MGA: variants seen among roughly 807,000 people sequenced by gnomAD.
MGA encodes MAX gene-associated protein.
Under a neutral mutation model 261.1 loss-of-function variants are expected in MGA, and 40 were observed. That is an observed-to-expected ratio of 0.15 (90% CI 0.12 to 0.20). MGA has a LOEUF of 0.20. Among genes scored for constraint, MGA ranks in the 10% least tolerant of loss-of-function variants. The pLI is 1.00. For synonymous variants in MGA, 1,302 were observed against 1,290.6 expected (o/e 1.01, Z -0.19); for missense variants, 3,397 against 3,630.5 (o/e 0.94, Z 1.65).
At chr15:41,657,670 AAAAAC>A (rs2057234222), upstream of MGA, among the ~76,000 whole-genome samples, 1 of 92,956 alleles carries the variant, frequency 1.1e-5, no homozygotes, top group African/African-American at 3.5e-5. Flanking sequence ...GACTTTTTGT[AAAAAC>A]AAAACAAAAC....
At chr15:41,733,922 C>CT (rs143496306) in intron 11 of MGA, among the ~76,000 whole-genome samples, 2 of 145,240 alleles carry the variant, frequency 1.4e-5, no homozygotes. Flanking sequence ...TTGTTTCTTT[C>CT]TTTTTTTTTT....
intron 1 of MGA, among the ~76,000 whole-genome samples, chr15:41,623,411 A>G (rs930832228): frequency 1.3e-5 from 2 of 152,198 alleles, no homozygotes; most frequent in Admixed American, 6.5e-5. Context: ...TATTGGAACA[A>G]TCAACTGTTT....
At chr15:41,725,512 A>G (rs2061176312) in intron 9 of MGA, among the ~76,000 whole-genome samples, 1 of 152,150 alleles carries the variant, frequency 6.6e-6, no homozygotes, top group East Asian at 1.9e-4. Context: ...TACTTGGGCA[A>G]CAGAGTGAGA....
intron 1 of MGA, among the ~76,000 whole-genome samples, chr15:41,626,539 C>G (rs528571561): frequency 1.3e-5 from 2 of 152,142 alleles, no homozygotes; most frequent in African/African-American, 2.4e-5. Context: ...TCTCCTGCCT[C>G]AGCCTCCTGA....
chr15:41,761,919 A>G, intron 21 of MGA, 69 bp downstream of exon 21: 2 of 1,212,344 alleles, frequency 1.6e-6, no homozygotes, highest in South Asian at 1.5e-5. Flanking sequence ...TCCTCAGTAG[A>G]TCTTTCAGAT....
rs576943311 is a variant in MGA at position 41,716,453 on chromosome 15, C to CA, written c.3430+2965dup. On this transcript the variant is annotated intron_variant, in intron 9 of 23. Transcript: ENST00000219905. ...TGGGCGACAAAGCGAGACTCCGTAT[C>CA]AAAAAAAAGAAAAAGAAAAAGGAGG... Among the ~76,000 whole-genome samples the CA allele has an allele frequency of 1.7e-4, 25 of 149,090 alleles. 1 individual carries two copies. In the South Asian group the frequency reaches 2.5e-3, roughly 15 times the overall value.
chr15:41,703,442 C>T (rs973870103), intron 5 of MGA, among the ~76,000 whole-genome samples: 10 of 134,474 alleles, frequency 7.4e-5, no homozygotes, highest in African/African-American at 2.1e-4. Context: ...ATGCTTAGCT[C>T]ACACTTAATG....
intron 2 of MGA, chr15:41,684,363 C>T (rs1463841287): frequency 4.4e-6 from 2 of 450,438 alleles, no homozygotes; most frequent in Non-Finnish European, 8.9e-6. Flanking sequence ...TTTTAATTAA[C>T]TGTTGTTTGT....
At position 41,748,849 on chromosome 15, in the gene MGA, G is replaced by A. The variant is rs1272301869; in HGVS notation, c.5425G>A (p.Val1809Ile). The change falls in exon 16 of 24, where the codon GTC (valine) becomes ATC (isoleucine). Residue 1809 changes from valine (V) to isoleucine (I), a missense_variant. Transcript: ENST00000219905. ...ATTCAGGCACCCTAATGGGCAGATT[G>A]TCCAGCTTCTACCTTTGCATCAGCT... is the stretch of plus-strand genomic sequence containing the variant. 6.2e-7 allele frequency: 1 copy of A among 1,613,962 alleles called. No homozygotes were observed. Among genetic ancestry groups the A allele is most frequent in the Non-Finnish European group, 8.5e-7 (1 of 1,179,882 alleles).
In MGA at chr15:41,766,566, T is replaced by C; in HGVS notation, c.8484T>C (p.Asn2828=). 1 of 1,613,978 alleles carries C rather than the reference T, an allele frequency of 6.2e-7. No homozygotes were observed. Among genetic ancestry groups the C allele is most frequent in the Middle Eastern group, 1.6e-4 (1 of 6,062 alleles). Residue 2828 remains asparagine, a synonymous_variant, in exon 24 of 24, where the codon AAT becomes AAC. Transcript: ENST00000219905. ...ATGAGACACTGACTTCACTGCTCAA[T>C]GAAATTGCCTTTCTTAATCAACAAC...
chr15:41,659,095 A>C (rs796925188), upstream of MGA, among the ~76,000 whole-genome samples: 1 of 152,088 alleles, frequency 6.6e-6, no homozygotes, highest in Non-Finnish European at 1.5e-5. Context: ...TTACTTTTCA[A>C]TTTTGCCTAG....
chr15:41,747,491 AG>A (rs2062572778), intron 15 of MGA, among the ~76,000 whole-genome samples: 1 of 151,788 alleles, frequency 6.6e-6, no homozygotes, highest in African/African-American at 2.4e-5. Context: ...ACATTTTAGG[AG>A]GCCAAGGCAG....
intron 8 of MGA, 121 bp downstream of exon 8, chr15:41,711,470 C>G: frequency 1.0e-6 from 1 of 1,001,724 alleles, no homozygotes; most frequent in African/African-American, 1.6e-5. Flanking sequence ...GCATTTAGAA[C>G]CTTCATGGGA....
chr15:41,673,018 C>T (rs192018695), intron 2 of MGA, among the ~76,000 whole-genome samples: 1 of 152,216 alleles, frequency 6.6e-6, no homozygotes, highest in East Asian at 1.9e-4. Flanking sequence ...GGTTGCTTGA[C>T]CATTTTTCTC....
intron 13 of MGA, among the ~76,000 whole-genome samples, chr15:41,738,752 C>CG (rs1178634652): frequency 1.3e-5 from 2 of 152,032 alleles, no homozygotes; most frequent in Non-Finnish European, 2.9e-5. Context: ...CCAAGGGATC[C>CG]GGGAGGGGGT....
chr15:41,670,609 C>T (rs1460086102), intron 2 of MGA, among the ~76,000 whole-genome samples: 2 of 152,082 alleles, frequency 1.3e-5, no homozygotes, highest in Admixed American at 1.3e-4. Context: ...GGGTTCACGC[C>T]ATTCTCCTGC....
intron 5 of MGA, among the ~76,000 whole-genome samples, chr15:41,704,994 T>G (rs181105486): frequency 6.6e-6 from 1 of 152,328 alleles, no homozygotes; most frequent in East Asian, 1.9e-4. Context: ...TAAACTGACA[T>G]GTAGACAAGA....
At chr15:41,683,746 A>C (rs909326838) in intron 2 of MGA, among the ~76,000 whole-genome samples, 3 of 150,912 alleles carry the variant, frequency 2.0e-5, no homozygotes, top group African/African-American at 4.9e-5. Context: ...TTGGCTAATT[A>C]TTTTTTGTAA....
intron 21 of MGA, 124 bp downstream of exon 21, chr15:41,761,974 C>T: frequency 1.0e-6 from 1 of 996,784 alleles, no homozygotes; most frequent in Admixed American, 2.6e-5. Context: ...CACAGTTATC[C>T]TTTGACTGGG....
Sources: allele counts gnomAD v4.1 joint callset (sites outside exome capture counted in the v4.1 genomes callset), GRCh38; gene constraint gnomAD v4.1.1; transcripts MANE v1.5; gene names NCBI Gene and HGNC (gene_info 2026-07-23, HGNC 2026-07-21).